The following CACNA2D1 variants were observed in gnomAD, a reference collection of about 807,000 sequenced individuals.
CACNA2D1 encodes calcium voltage-gated channel auxiliary subunit alpha2delta 1.
In CACNA2D1, 53 loss-of-function variants were observed where a neutral mutation model predicts 171.5. That is an observed-to-expected ratio of 0.31 (90% CI 0.25 to 0.39). The LOEUF is 0.39. Among genes scored for constraint, CACNA2D1 ranks in the 10% least tolerant of loss-of-function variants. CACNA2D1 has a pLI of 1.00. For synonymous variants in CACNA2D1, 442 were observed against 443.1 expected (o/e 1.00, Z 0.03); for missense variants, 903 against 1,299.8 (o/e 0.69, Z 4.69).
chr7:82,417,724 A>T (rs1259874348), intron 1 of CACNA2D1, among the ~76,000 whole-genome samples: 1 of 152,194 alleles, frequency 6.6e-6, no homozygotes, highest in Non-Finnish European at 1.5e-5. Flanking sequence ...GATAGTAGGT[A>T]TAGAATACAC....
intron 2 of CACNA2D1, among the ~76,000 whole-genome samples, chr7:82,343,411 C>G (rs898262534): frequency 6.6e-6 from 1 of 152,130 alleles, no homozygotes; most frequent in African/African-American, 2.4e-5. Flanking sequence ...CGCAAACAGG[C>G]CACTTAATTT....
At chr7:82,274,884 A>ATGAATGAT (rs1347656936) in intron 3 of CACNA2D1, among the ~76,000 whole-genome samples, 8 of 151,944 alleles carry the variant, frequency 5.3e-5, no homozygotes, top group Admixed American at 5.3e-4. Flanking sequence ...GAATGAATGA[A>ATGAATGAT]TGAATAATGG....
intron 5 of CACNA2D1, among the ~76,000 whole-genome samples, chr7:82,122,594 AG>A (rs1487012350): frequency 6.6e-6 from 1 of 152,190 alleles, no homozygotes; most frequent in Non-Finnish European, 1.5e-5. Flanking sequence ...AGCATCAGAA[AG>A]GGATGTAATA....
At chr7:82,009,378 A>T (rs1233544323) in intron 15 of CACNA2D1, 1 of 152,168 alleles carries the variant, frequency 6.6e-6, no homozygotes, top group Non-Finnish European at 1.5e-5. Context: ...ATAAAGTCCT[A>T]ACCAAGAACA....
At chr7:82,079,455 G>T (rs1477413879) in intron 7 of CACNA2D1, among the ~76,000 whole-genome samples, 1 of 152,144 alleles carries the variant, frequency 6.6e-6, no homozygotes, top group Non-Finnish European at 1.5e-5. Flanking sequence ...ACTTTGGGAG[G>T]CTGAGGCAGG....
intron 3 of CACNA2D1, among the ~76,000 whole-genome samples, chr7:82,183,683 A>G (rs1460897377): frequency 6.6e-6 from 1 of 152,192 alleles, no homozygotes; most frequent in Non-Finnish European, 1.5e-5. Context: ...GAGTAGCGAC[A>G]TCTTATTCAA....
intron 21 of CACNA2D1, among the ~76,000 whole-genome samples, chr7:81,989,236 C>A (rs370898324): frequency 1.3e-5 from 2 of 152,138 alleles, no homozygotes; most frequent in African/African-American, 2.4e-5. Context: ...ACAGAGCTGA[C>A]GGTCAGTAAG....
chr7:81,964,122 T>C lies in CACNA2D1; in HGVS notation c.2728-14A>G. On this transcript the variant is annotated splice_polypyrimidine_tract_variant and intron_variant, in intron 33 of 38. Coordinates refer to ENST00000356860, the MANE Select transcript of CACNA2D1 (RefSeq NM_000722.4). ...TGCTACTGATGGCTATAAAATAAAA[T>C]AATAAGGTCATTTCAGTAGTCTACT... 6.2e-7 allele frequency: 1 copy of C among 1,612,100 alleles called. No homozygotes were observed. The highest frequency in any genetic ancestry group is 8.5e-7 in the Non-Finnish European group (1 of 1,178,760).
chr7:81,990,489 A>G (rs1008621269), intron 21 of CACNA2D1, among the ~76,000 whole-genome samples: 8 of 152,066 alleles, frequency 5.3e-5, no homozygotes, highest in Admixed American at 2.0e-4. Flanking sequence ...GTTAAGAAGG[A>G]GGAATAGCAG....
At chr7:81,955,721 GAAGTA>G (rs1371765452) in intron 38 of CACNA2D1, among the ~76,000 whole-genome samples, 1 of 151,630 alleles carries the variant, frequency 6.6e-6, no homozygotes, top group Non-Finnish European at 1.5e-5. Flanking sequence ...ATTAATCAAA[GAAGTA>G]AAGCAAGTCA....
In CACNA2D1 at chr7:82,443,487, CCCT is replaced by C. The variant is rs745796284; in HGVS notation, c.-31_-29del. ...TCGCGATCGAAGATCAATGCCCCCT[CCCT>C]GCCCAAGCGGGGGAAGGAGCGGCGC... On this transcript the variant is annotated 5_prime_UTR_variant, in exon 1 of 39. Coordinates refer to ENST00000356860, the MANE Select transcript of CACNA2D1 (RefSeq NM_000722.4). 34 of 1,602,228 alleles carry C rather than the reference CCCT, an allele frequency of 2.1e-5. No homozygotes were observed. In the Admixed American group the frequency reaches 5.3e-4, roughly 25 times the overall value.
intron 26 of CACNA2D1, 84 bp from the exon 27 acceptor site, chr7:81,970,821 T>A: frequency 1.2e-6 from 1 of 811,546 alleles, no homozygotes; most frequent in Non-Finnish European, 2.2e-6. Flanking sequence ...CAAAGAGAAG[T>A]AAGTTTAGGA....
At chr7:82,134,064 G>C (rs1404626955) in intron 5 of CACNA2D1, among the ~76,000 whole-genome samples, 2 of 151,256 alleles carry the variant, frequency 1.3e-5, no homozygotes, top group African/African-American at 4.9e-5. Context: ...CAGAGCGAGA[G>C]TCTGTCTCGG....
Position 82,248,991 on chromosome 7 carries a change from T to C in CACNA2D1, c.295-78382A>G, listed in dbSNP as rs555807768. On this transcript the variant is annotated intron_variant, in intron 3 of 38. Coordinates refer to ENST00000356860, the MANE Select transcript of CACNA2D1 (RefSeq NM_000722.4). ...AATTAGCTGGGCGTGGTGGCAGGCA[T>C]CTGTAGTCCCAGCTACTCAGGAGGC... Among the ~76,000 whole-genome samples, 566 of 151,822 alleles carry C rather than the reference T, an allele frequency of 3.7e-3. 3 individuals are homozygous for C. The highest frequency in any genetic ancestry group is 4.7e-3 in the Non-Finnish European group (318 of 67,898).
chr7:82,269,216 A>C (rs1331442577), intron 3 of CACNA2D1, among the ~76,000 whole-genome samples: 1 of 152,152 alleles, frequency 6.6e-6, no homozygotes, highest in Non-Finnish European at 1.5e-5. Context: ...AGCTTCCTGC[A>C]TCTGATTTTG....
chr7:82,180,690 C>T (rs531562796), intron 3 of CACNA2D1, among the ~76,000 whole-genome samples: 1 of 152,178 alleles, frequency 6.6e-6, no homozygotes, highest in South Asian at 2.1e-4. Flanking sequence ...GGGTAAGATA[C>T]AATGTGGAGG....
At chr7:82,422,391 G>C (rs988321797) in intron 1 of CACNA2D1, among the ~76,000 whole-genome samples, 1 of 152,030 alleles carries the variant, frequency 6.6e-6, no homozygotes, top group African/African-American at 2.4e-5. Flanking sequence ...GCTTTATCCA[G>C]AAAATCACTT....
At chr7:82,310,091 G>GA (rs1666341434) in intron 3 of CACNA2D1, among the ~76,000 whole-genome samples, 1 of 151,786 alleles carries the variant, frequency 6.6e-6, no homozygotes, top group South Asian at 2.1e-4. Context: ...AATATATTTA[G>GA]ATCTGTCAAT....
At chr7:82,049,339 T>C (rs985963093) in intron 10 of CACNA2D1, among the ~76,000 whole-genome samples, 7 of 152,074 alleles carry the variant, frequency 4.6e-5, no homozygotes, top group African/African-American at 1.7e-4. Context: ...TTCTCTTAAT[T>C]CCATTTCTTC....
Sources: allele counts gnomAD v4.1 joint callset (sites outside exome capture counted in the v4.1 genomes callset), GRCh38; gene constraint gnomAD v4.1.1; transcripts MANE v1.5; gene names NCBI Gene and HGNC (gene_info 2026-07-23, HGNC 2026-07-21).